The following FAAH2 variants were observed in gnomAD, a reference collection of about 807,000 sequenced individuals.
The protein encoded by FAAH2 is fatty acid amide hydrolase 2, also known as fatty-acid amide hydrolase 2.
FAAH2 carries 60 observed loss-of-function variants against 36.9 expected under a neutral mutation model. The ratio of observed to expected loss-of-function variants is 1.63; its 90% CI spans 1.32 to 2.02. FAAH2 has a LOEUF of 2.02. Ranked by LOEUF, FAAH2 falls within the 30% of genes most tolerant of loss-of-function variation. The pLI is 0.00. For synonymous variants in FAAH2, 214 were observed against 143.8 expected (o/e 1.49, Z -3.49); for missense variants, 689 against 397.5 (o/e 1.73, Z -6.23).
chrX:57,237,194 A>G, the FAAH2 span, among the ~76,000 whole-genome samples: 2 of 111,305 alleles, frequency 1.8e-5, no homozygotes, highest in Admixed American at 1.9e-4. Flanking sequence ...TTGGGTTCTC[A>G]ATTTTGTCGC....
At chrX:57,479,556 C>A (rs1201085135) in intron 10 of FAAH2, among the ~76,000 whole-genome samples, 2 of 111,413 alleles carry the variant, frequency 1.8e-5, no homozygotes, top group African/African-American at 6.5e-5. Context: ...GAGGGCATCC[C>A]TGTCTTGTGC....
At chrX:57,208,079 G>T in the FAAH2 span, among the ~76,000 whole-genome samples, 1 of 112,827 alleles carries the variant, frequency 8.9e-6, no homozygotes, top group Admixed American at 9.4e-5. Flanking sequence ...TGTCTAGCTT[G>T]CTGAATTTCT....
At chrX:57,155,493 T>A in the FAAH2 span, among the ~76,000 whole-genome samples, 1 of 112,176 alleles carries the variant, frequency 8.9e-6, no homozygotes, top group East Asian at 2.8e-4. Context: ...CCAAAAAGGC[T>A]AGTCTCACTC....
At chrX:57,223,238 G>A in the FAAH2 span, among the ~76,000 whole-genome samples, 1 of 111,389 alleles carries the variant, frequency 9.0e-6, no homozygotes, top group Non-Finnish European at 1.9e-5. Flanking sequence ...ATATCAGCTG[G>A]AAATAGGCTA....
At chrX:57,132,761 C>T in the FAAH2 span, among the ~76,000 whole-genome samples, 1 of 112,619 alleles carries the variant, frequency 8.9e-6, no homozygotes, top group Non-Finnish European at 1.9e-5. Flanking sequence ...GTCTCCCCTC[C>T]ATTATTAATA....
intron 5 of FAAH2, among the ~76,000 whole-genome samples, chrX:57,352,539 T>C (rs770560727): frequency 1.8e-5 from 2 of 110,712 alleles, no homozygotes; most frequent in South Asian, 7.5e-4. Context: ...AAGCACTTCC[T>C]CTAACAACTG....
the FAAH2 span, among the ~76,000 whole-genome samples, chrX:57,122,119 A>T: frequency 9.0e-6 from 1 of 111,505 alleles, no homozygotes; most frequent in African/African-American, 3.3e-5. Context: ...CATTTTAGGA[A>T]ATTAATATTA....
intron 1 of FAAH2, among the ~76,000 whole-genome samples, chrX:57,290,940 T>G (rs1191257205): frequency 8.9e-6 from 1 of 112,133 alleles, no homozygotes; most frequent in East Asian, 2.8e-4. Flanking sequence ...GCCTTCTAAA[T>G]ATCACTGTTT....
the FAAH2 span, among the ~76,000 whole-genome samples, chrX:57,239,544 AG>A: frequency 1.6e-4 from 18 of 110,022 alleles, no homozygotes; most frequent in South Asian, 7.1e-3. Context: ...GTCATCTTGC[AG>A]GGGTTCTTTG....
intron 3 of FAAH2, among the ~76,000 whole-genome samples, chrX:57,311,454 T>C (rs1008381963): frequency 9.0e-6 from 1 of 111,586 alleles, no homozygotes; most frequent in African/African-American, 3.3e-5. Flanking sequence ...CGCCCGTGGG[T>C]GTATGAGCTG....
At chrX:57,296,078 C>T (rs1459041714) in intron 2 of FAAH2, among the ~76,000 whole-genome samples, 2 of 111,998 alleles carry the variant, frequency 1.8e-5, no homozygotes, top group Non-Finnish European at 3.8e-5. Flanking sequence ...CTTAAATGTC[C>T]CTGTCTGACA....
At chrX:57,422,638 C>T (rs1394105765) in intron 7 of FAAH2, among the ~76,000 whole-genome samples, 1 of 111,779 alleles carries the variant, frequency 8.9e-6, no homozygotes, top group Non-Finnish European at 1.9e-5. Context: ...CCACTGAGCT[C>T]AGGTTCACTC....
the FAAH2 span, among the ~76,000 whole-genome samples, chrX:57,199,441 A>T: frequency 1.2e-3 from 131 of 111,013 alleles, no homozygotes; most frequent in African/African-American, 4.2e-3. Flanking sequence ...GTGGCCAGAG[A>T]ATATTCTTGA....
intron 7 of FAAH2, among the ~76,000 whole-genome samples, chrX:57,382,141 C>T (rs908186769): frequency 9.0e-6 from 1 of 111,186 alleles, no homozygotes; most frequent in Non-Finnish European, 1.9e-5. Context: ...AACAAAGACA[C>T]AACATACCAG....
Position 57,378,791 on chromosome X carries a change from G to T in FAAH2, c.878+5G>T, listed in dbSNP as rs1435234089. 3.3e-6 allele frequency: 4 copies of T among 1,201,163 alleles called. No homozygotes were observed. Reference sequence around the variant, plus strand: ...GGCAGGACCTGGGATCAAAAGGTATGTTCATTTATTTTTATTTCCTTGGAC... The same window carrying T: ...GGCAGGACCTGGGATCAAAAGGTATTTTCATTTATTTTTATTTCCTTGGAC... On this transcript the variant is annotated splice_donor_5th_base_variant and intron_variant, in intron 6 of 10. Transcript: ENST00000374900.
At chrX:57,307,403 G>A (rs894286587) in intron 2 of FAAH2, among the ~76,000 whole-genome samples, 3 of 110,362 alleles carry the variant, frequency 2.7e-5, no homozygotes, top group Non-Finnish European at 1.9e-5. Context: ...TTAAGTTTTC[G>A]AAGGAGATAC....
intron 1 of FAAH2, among the ~76,000 whole-genome samples, chrX:57,289,846 A>C (rs1319122043): frequency 9.1e-6 from 1 of 110,203 alleles, no homozygotes. Flanking sequence ...AGAGGGGAGA[A>C]GGGAATAAGG....
intron 5 of FAAH2, among the ~76,000 whole-genome samples, chrX:57,354,575 G>T (rs1480795401): frequency 9.1e-6 from 1 of 110,318 alleles, no homozygotes; most frequent in East Asian, 2.9e-4. Context: ...TCATAAATTT[G>T]TACAAAACTA....
intron 4 of FAAH2, among the ~76,000 whole-genome samples, chrX:57,335,841 G>T (rs2053536678): frequency 8.9e-6 from 1 of 111,900 alleles, no homozygotes; most frequent in Admixed American, 9.4e-5. Context: ...AGTGTATTGT[G>T]TCTCTGGGTA....
Sources: allele counts gnomAD v4.1 joint callset (sites outside exome capture counted in the v4.1 genomes callset), GRCh38; gene constraint gnomAD v4.1.1; transcripts MANE v1.5; gene names NCBI Gene and HGNC (gene_info 2026-07-23, HGNC 2026-07-21).